ROBO1: variants seen among roughly 807,000 people sequenced by gnomAD.
The protein encoded by ROBO1 is roundabout homolog 1.
A neutral mutation model predicts 195.9 loss-of-function variants in ROBO1; 149 were observed. The ratio of observed to expected loss-of-function variants is 0.76; its 90% confidence interval spans 0.67 to 0.87. The LOEUF (loss-of-function observed/expected upper bound fraction) is 0.87, where lower values mean the gene tolerates loss of function less well. Among genes scored for constraint, ROBO1 ranks in the 40% least tolerant of loss-of-function variants. The pLI is 0.00. For synonymous variants in ROBO1, 816 were observed against 733.2 expected (o/e 1.11, Z -1.82); for missense variants, 1,933 against 2,068.3 (o/e 0.93, Z 1.27).
intron 4 of ROBO1, among the ~76,000 whole-genome samples, chr3:78,901,966 T>C (rs1415688805): frequency 1.3e-5 from 2 of 152,182 alleles, no homozygotes; most frequent in Non-Finnish European, 2.9e-5. Context: ...AAAATTTTAT[T>C]TTCTTTCCAG....
chr3:79,290,914 A>C (rs2032204521), intron 2 of ROBO1, among the ~76,000 whole-genome samples: 1 of 152,144 alleles, frequency 6.6e-6, no homozygotes, highest in Non-Finnish European at 1.5e-5. Context: ...GAAGACATTG[A>C]ACTATTCTAT....
intron 2 of ROBO1, among the ~76,000 whole-genome samples, chr3:79,519,628 CA>C (rs71631657): frequency 5.3e-3 from 340 of 64,680 alleles, no homozygotes; most frequent in Middle Eastern, 0.025. Context: ...GACTCCTGCT[CA>C]AAAAAAAAAA....
intron 3 of ROBO1, among the ~76,000 whole-genome samples, chr3:79,103,393 T>C (rs1450861303): frequency 2.0e-5 from 3 of 151,808 alleles, no homozygotes; most frequent in African/African-American, 7.2e-5. Context: ...TCTTAGGAGA[T>C]AGGTTTCACA....
intron 20 of ROBO1, 101 bp downstream of exon 20, chr3:78,647,528 C>A: frequency 8.8e-7 from 1 of 1,131,208 alleles, no homozygotes; most frequent in Non-Finnish European, 1.3e-6. Context: ...TAAGTTCTTT[C>A]CCCCAACTTA....
intron 1 of ROBO1, among the ~76,000 whole-genome samples, chr3:79,600,242 G>A (rs1944300317): frequency 1.3e-5 from 2 of 151,974 alleles, no homozygotes; most frequent in African/African-American, 4.8e-5. Context: ...AATGTAAGAT[G>A]GAAGTACACA....
In ROBO1 at chr3:79,519,754, G is replaced by A. The variant is rs1184084733; in HGVS notation, c.88+70070C>T. 3.3e-5 allele frequency among the ~76,000 whole-genome samples: 5 copies of A among 151,960 alleles called. No individual in the cohort carries two copies. In the East Asian group the frequency reaches 9.7e-4, roughly 29 times the overall value. On this transcript the variant is annotated intron_variant, in intron 2 of 30. Coordinates refer to ENST00000464233, the MANE Select transcript of ROBO1 (RefSeq NM_002941.4). ...TTAAATAATTAAGCCAGAATAGTGG[G>A]TCTGATGTCTTCGCAAAATTAGATG...
At chr3:78,918,076 T>C (rs1462846490) in intron 4 of ROBO1, among the ~76,000 whole-genome samples, 2 of 152,148 alleles carry the variant, frequency 1.3e-5, no homozygotes, top group Non-Finnish European at 2.9e-5. Context: ...TGAATAACAA[T>C]TGACAATAAG....
chr3:78,606,530 T>C (rs1317120848), intron 29 of ROBO1, among the ~76,000 whole-genome samples: 1 of 152,146 alleles, frequency 6.6e-6, no homozygotes, highest in Admixed American at 6.5e-5. Context: ...TCTAACTCAG[T>C]TGGCACCTCT....
chr3:79,029,112 T>G (rs559870657), intron 3 of ROBO1, among the ~76,000 whole-genome samples: 1 of 152,090 alleles, frequency 6.6e-6, no homozygotes, highest in African/African-American at 2.4e-5. Flanking sequence ...CTAGTCTAAA[T>G]AGGGATCAAC....
At chr3:78,839,576 C>G (rs1242509604) in intron 4 of ROBO1, among the ~76,000 whole-genome samples, 1 of 151,644 alleles carries the variant, frequency 6.6e-6, no homozygotes, top group Non-Finnish European at 1.5e-5. Flanking sequence ...AAATAATTTT[C>G]TAAAACAAAA....
chr3:79,001,077 C>T (rs965464267), intron 3 of ROBO1, among the ~76,000 whole-genome samples: 2 of 151,832 alleles, frequency 1.3e-5, no homozygotes, highest in African/African-American at 2.4e-5. Context: ...ACAATGAGAA[C>T]ACATGGACAC....
intron 2 of ROBO1, among the ~76,000 whole-genome samples, chr3:79,187,444 C>T (rs2108747966): frequency 6.6e-6 from 1 of 152,058 alleles, no homozygotes; most frequent in African/African-American, 2.4e-5. Flanking sequence ...TGAGAATCGC[C>T]CTCTAAAGCA....
chr3:78,807,325 C>T (rs565577981), intron 4 of ROBO1, among the ~76,000 whole-genome samples: 2 of 151,788 alleles, frequency 1.3e-5, no homozygotes, highest in South Asian at 4.2e-4. Context: ...AAACATTTTC[C>T]CTATCTTTGG....
intron 2 of ROBO1, among the ~76,000 whole-genome samples, chr3:79,222,432 G>A (rs1429860775): frequency 1.3e-5 from 2 of 151,762 alleles, no homozygotes; most frequent in Non-Finnish European, 2.9e-5. Context: ...GAAAATGTTG[G>A]AGTATTTTTC....
intron 2 of ROBO1, among the ~76,000 whole-genome samples, chr3:79,462,815 GAGT>G (rs1937722520): frequency 1.3e-5 from 2 of 152,142 alleles, no homozygotes; most frequent in Non-Finnish European, 2.9e-5. Context: ...ATAAACAAGT[GAGT>G]AGATGAATTA....
intron 8 of ROBO1, among the ~76,000 whole-genome samples, chr3:78,701,334 T>C (rs115500848): frequency 3.1e-4 from 47 of 152,342 alleles, no homozygotes; most frequent in African/African-American, 1.1e-3. Context: ...TAACTTGTTC[T>C]GCATTTTATT....
intron 2 of ROBO1, among the ~76,000 whole-genome samples, chr3:79,163,333 T>A (rs2081006761): frequency 6.6e-6 from 1 of 152,158 alleles, no homozygotes; most frequent in Non-Finnish European, 1.5e-5. Flanking sequence ...TCAAGGTTCA[T>A]CCATGTTGCA....
chr3:79,742,676 G>C (rs1576308464), intron 1 of ROBO1, among the ~76,000 whole-genome samples: 1 of 152,146 alleles, frequency 6.6e-6, no homozygotes, highest in South Asian at 2.1e-4. Flanking sequence ...CCCAGTCTTA[G>C]GTAGTTCTTT....
intron 4 of ROBO1, among the ~76,000 whole-genome samples, chr3:78,869,580 C>T (rs1384149311): frequency 6.6e-6 from 1 of 152,078 alleles, no homozygotes; most frequent in Admixed American, 6.6e-5. Flanking sequence ...TCCTTAGCCT[C>T]CTGAGTAGCT....
Sources: gnomAD v4.1 joint callset for allele counts (sites outside exome capture counted in the v4.1 genomes callset) on GRCh38, gnomAD v4.1.1 for gene constraint, MANE v1.5 for transcripts, NCBI Gene and HGNC (gene_info 2026-07-23, HGNC 2026-07-21) for gene names.